Variants in TRDN observed in about 807,000 individuals in gnomAD.
The protein encoded by TRDN is triadin, also known as triadin in skeletal muscle.
In TRDN, 161 loss-of-function variants were observed where a neutral mutation model predicts 149.7. The ratio of observed to expected loss-of-function variants is 1.08; its 90% confidence interval spans 0.95 to 1.23. TRDN has a LOEUF of 1.23. TRDN is among the 50% of genes most tolerant of loss of function. The pLI is 0.00. For synonymous variants in TRDN, 294 were observed against 250.5 expected (o/e 1.17, Z -1.64); for missense variants, 896 against 823.5 (o/e 1.09, Z -1.08).
intron 4 of TRDN, among the ~76,000 whole-genome samples, chr6:123,544,017 A>G (rs1031189529): frequency 6.6e-6 from 1 of 152,076 alleles, no homozygotes. Context: ...TTAGACTATA[A>G]GAATCTAAGA....
rs575438522 is a variant in TRDN, at chr6:123,436,773, A to T, written c.1051+1290T>A. ...TGTTCTGGGGTACAATTTTTAGCTT[A>T]CTATTACACAGGAAAGATCTGGAAA... On this transcript the variant is annotated intron_variant, in intron 12 of 40. Transcript: ENST00000334268. Among the ~76,000 whole-genome samples, 9 of 152,232 alleles carry T rather than the reference A, an allele frequency of 5.9e-5. No individual in the cohort carries two copies. The East Asian group carries it at 1.7e-3, about 29-fold the overall frequency.
intron 38 of TRDN, among the ~76,000 whole-genome samples, chr6:123,243,615 T>C (rs1776068978): frequency 6.6e-6 from 1 of 152,122 alleles, no homozygotes. Flanking sequence ...ATTCTGAAAC[T>C]GAGGAATTCA....
intron 10 of TRDN, among the ~76,000 whole-genome samples, chr6:123,439,932 T>C (rs1275835417): frequency 2.6e-5 from 4 of 152,234 alleles, no homozygotes; most frequent in South Asian, 4.1e-4. Context: ...ATTTACCTTA[T>C]ATTTGAAATT....
intron 10 of TRDN, among the ~76,000 whole-genome samples, chr6:123,454,397 T>C (rs186448793): frequency 3.5e-4 from 54 of 152,306 alleles, no homozygotes; most frequent in East Asian, 1.7e-3. Context: ...AAATATGTTT[T>C]AGTTTGGGTT....
At chr6:123,275,550 C>G (rs544889426) in intron 26 of TRDN, among the ~76,000 whole-genome samples, 1 of 152,112 alleles carries the variant, frequency 6.6e-6, no homozygotes, top group Admixed American at 6.6e-5. Flanking sequence ...TTAAGCAACA[C>G]AATTTGTGAT....
At chr6:123,503,185 C>T (rs986978007) in intron 8 of TRDN, 1 of 984,898 alleles carries the variant, frequency 1.0e-6, no homozygotes, top group African/African-American at 1.7e-5. Flanking sequence ...TGAGAACTGT[C>T]TTCTCTATAA....
rs866151078 is a variant in TRDN at position 123,628,499 on chromosome 6, G to A, written c.22+8255C>T. Among the ~76,000 whole-genome samples the A allele has an allele frequency of 3.9e-5, 6 of 152,088 alleles. No individual in the cohort carries two copies. In the Middle Eastern group the frequency reaches 0.017, roughly 434 times the overall value. On this transcript the variant is annotated intron_variant, in intron 1 of 40. Coordinates refer to ENST00000334268, the MANE Select transcript of TRDN (RefSeq NM_006073.4). ...TCACCGAAACAGACATACCAATAAC[G>A]AAAACATTTGAAATACTGTGAGAAT...
chr6:123,331,462 A>T (rs1049675907), intron 23 of TRDN, among the ~76,000 whole-genome samples: 2 of 152,056 alleles, frequency 1.3e-5, no homozygotes, highest in Admixed American at 1.3e-4. Flanking sequence ...TAGCTATACA[A>T]TATGTTTAGG....
At position 123,284,666 on chromosome 6, in the gene TRDN, T is replaced by A. The variant is rs944954821; in HGVS notation, c.1511-5584A>T. Among the ~76,000 whole-genome samples, 18 of 152,026 alleles carry A rather than the reference T, an allele frequency of 1.2e-4. No homozygotes were observed. In the South Asian group the frequency reaches 3.3e-3, roughly 28 times the overall value. On this transcript the variant is annotated intron_variant, in intron 24 of 40. Coordinates refer to ENST00000334268, the MANE Select transcript of TRDN (RefSeq NM_006073.4). ...CATAGTACTGGAAATTCTAGCCAGA[T>A]CAATCAAACAAGAGAGAGAAATAAA...
intron 1 of TRDN, among the ~76,000 whole-genome samples, chr6:123,587,374 A>AG (rs1203809276): frequency 6.6e-6 from 1 of 152,164 alleles, no homozygotes; most frequent in African/African-American, 2.4e-5. Flanking sequence ...AATTAAGAGA[A>AG]GGAAGAGATT....
intron 1 of TRDN, among the ~76,000 whole-genome samples, chr6:123,590,099 C>T (rs1027919941): frequency 6.6e-6 from 1 of 151,946 alleles, no homozygotes; most frequent in Non-Finnish European, 1.5e-5. Flanking sequence ...AGCTGGAGTC[C>T]CCAACCCCCA....
chr6:123,362,215 C>A (rs897405214), intron 20 of TRDN, among the ~76,000 whole-genome samples: 2 of 152,124 alleles, frequency 1.3e-5, no homozygotes, highest in Admixed American at 1.3e-4. Context: ...AACATAATCT[C>A]TCTCTCTTCC....
intron 33 of TRDN, among the ~76,000 whole-genome samples, chr6:123,263,522 A>C (rs577141441): frequency 6.6e-6 from 1 of 152,176 alleles, no homozygotes; most frequent in African/African-American, 2.4e-5. Flanking sequence ...CAATGTAGAC[A>C]AAATAGCCTT....
At chr6:123,471,569 T>G (rs1376506884) in intron 9 of TRDN, 1 of 152,198 alleles carries the variant, frequency 6.6e-6, no homozygotes, top group Non-Finnish European at 1.5e-5. Flanking sequence ...CAGCTTAAAC[T>G]TCTTAGATCA....
At chr6:123,460,776 A>G (rs1276841885) in intron 10 of TRDN, among the ~76,000 whole-genome samples, 1 of 152,090 alleles carries the variant, frequency 6.6e-6, no homozygotes, top group Admixed American at 6.6e-5. Context: ...CCTATGGTAA[A>G]AAATTATCCT....
intron 24 of TRDN, among the ~76,000 whole-genome samples, chr6:123,310,129 C>T (rs7771315): frequency 0.023 from 3,488 of 152,018 alleles, 121 homozygotes; most frequent in South Asian, 0.067. Context: ...TCCAGTAAAT[C>T]GCATATTTCA....
chr6:123,239,536 C>T (rs1185419591), intron 38 of TRDN, among the ~76,000 whole-genome samples: 1 of 152,012 alleles, frequency 6.6e-6, no homozygotes, highest in Non-Finnish European at 1.5e-5. Flanking sequence ...TCAAAGAAAA[C>T]ACTTTTCCTG....
intron 7 of TRDN, among the ~76,000 whole-genome samples, chr6:123,511,989 A>ATTT (rs58869649): frequency 0.11 from 15,076 of 141,244 alleles, 1,113 homozygotes; most frequent in South Asian, 0.2. Context: ...TGCCTCTGCA[A>ATTT]TTTTTTTTTT....
intron 12 of TRDN, among the ~76,000 whole-genome samples, chr6:123,427,995 T>G (rs1774193552): frequency 6.6e-6 from 1 of 152,184 alleles, no homozygotes; most frequent in South Asian, 2.1e-4. Context: ...TTCTCCCTTG[T>G]GTTATTCTCT....
Sources: allele counts gnomAD v4.1 joint callset (sites outside exome capture counted in the v4.1 genomes callset), GRCh38; gene constraint gnomAD v4.1.1; transcripts MANE v1.5; gene names NCBI Gene and HGNC (gene_info 2026-07-23, HGNC 2026-07-21).